DARS1: variants seen among roughly 807,000 people sequenced by gnomAD.
DARS1 encodes aspartyl-tRNA synthetase 1.
In DARS1, 51 loss-of-function variants were observed where a neutral mutation model predicts 68.8. The ratio of observed to expected loss-of-function variants is 0.74; its 90% CI spans 0.59 to 0.94. DARS1 has a LOEUF of 0.94. Among genes scored for constraint, DARS1 ranks in the 40% least tolerant of loss-of-function variants. The probability of loss-of-function intolerance (pLI) is 0.00; values close to 1 mark genes in which losing one functional copy is unlikely to be tolerated. For missense variants in DARS1, 607 were observed against 597.3 expected (o/e 1.02, Z -0.17); for synonymous variants, 203 against 190.4 (o/e 1.07, Z -0.55).
At chr2:135,981,720 G>A (rs920509662) in intron 2 of DARS1, among the ~76,000 whole-genome samples, 16 of 149,230 alleles carry the variant, frequency 1.1e-4, no homozygotes, top group African/African-American at 4.0e-4. Flanking sequence ...CCAGGCTGAA[G>A]TCCAGTGGTG....
chr2:135,914,658 C>T, intron 11 of DARS1, 147 bp from the exon 12 acceptor site: 1 of 651,604 alleles, frequency 1.5e-6, no homozygotes, highest in African/African-American at 1.8e-5. Flanking sequence ...TCTTAAAAGG[C>T]AAGTACTACT....
rs567438236 is a variant in DARS1, at chr2:135,961,194, T to G, written c.320+202A>C. ...CTGTAGAGAGTGCTGCTTCAGCAGT[T>G]CCAAATGAATTTCAAGCCTGTGCTC... On this transcript the variant is annotated intron_variant, in intron 4 of 15. Coordinates refer to ENST00000264161, the MANE Select transcript of DARS1 (RefSeq NM_001349.4). Among the ~76,000 whole-genome samples, 10 of 152,316 alleles carry G rather than the reference T, an allele frequency of 6.6e-5. No individual in the cohort carries two copies. The South Asian group carries it at 2.1e-3, about 32-fold the overall frequency.
intron 12 of DARS1, among the ~76,000 whole-genome samples, chr2:135,913,946 A>G (rs1275887316): frequency 6.6e-6 from 1 of 152,220 alleles, no homozygotes; most frequent in East Asian, 1.9e-4. Flanking sequence ...AACTGCCACC[A>G]GTAGGAGGAG....
chr2:135,982,640 C>G (rs540223888), intron 2 of DARS1, among the ~76,000 whole-genome samples: 1 of 150,040 alleles, frequency 6.7e-6, no homozygotes, highest in East Asian at 1.9e-4. Context: ...CATACACTAA[C>G]AAAAAAGAGC....
At chr2:135,929,594 T>C (rs1441906235) in intron 7 of DARS1, among the ~76,000 whole-genome samples, 1 of 152,218 alleles carries the variant, frequency 6.6e-6, no homozygotes. Context: ...GGGAAAACAC[T>C]GCAAAACCAC....
intron 3 of DARS1, among the ~76,000 whole-genome samples, chr2:135,966,313 C>T (rs1329807577): frequency 2.6e-5 from 4 of 152,026 alleles, no homozygotes; most frequent in Admixed American, 1.3e-4. Context: ...TTACCATACC[C>T]ATAAATTACT....
chr2:135,923,855 T>A lies in DARS1; in HGVS notation c.676+532A>T, dbSNP rs538198652. The stretch of plus-strand genomic sequence containing the variant: ...CAACATGGAGAAACCCTGTATCTAC[T>A]AAACATACAAAATTGGCTCGGCGTG... On this transcript the variant is annotated intron_variant, in intron 8 of 15. Coordinates refer to ENST00000264161, the MANE Select transcript of DARS1 (RefSeq NM_001349.4). 2.4e-4 allele frequency among the ~76,000 whole-genome samples: 37 copies of A among 152,146 alleles called. 1 individual carries two copies. The highest frequency in any genetic ancestry group is 6.5e-4 in the Admixed American group (10 of 15,290).
At chr2:135,947,754 C>T (rs1298579451) in intron 4 of DARS1, among the ~76,000 whole-genome samples, 1 of 151,688 alleles carries the variant, frequency 6.6e-6, no homozygotes, top group Non-Finnish European at 1.5e-5. Context: ...GCATCATCAG[C>T]TCACTATGAA....
intron 10 of DARS1, among the ~76,000 whole-genome samples, chr2:135,917,305 G>C (rs1044413034): frequency 1.3e-5 from 2 of 152,172 alleles, no homozygotes; most frequent in African/African-American, 4.8e-5. Context: ...GACTGAAACT[G>C]GTTGATGAGT....
intron 3 of DARS1, among the ~76,000 whole-genome samples, chr2:135,965,456 G>A (rs555203013): frequency 7.3e-4 from 111 of 152,162 alleles, no homozygotes; most frequent in African/African-American, 2.5e-3. Context: ...AGTAAATACC[G>A]TATAAGGAAA....
intron 7 of DARS1, among the ~76,000 whole-genome samples, chr2:135,930,854 C>A (rs1681326694): frequency 6.6e-6 from 1 of 152,162 alleles, no homozygotes; most frequent in African/African-American, 2.4e-5. Flanking sequence ...TCTGAGAAAA[C>A]CCTCCTAACA....
At chr2:135,948,301 G>A (rs1277603615) in intron 4 of DARS1, among the ~76,000 whole-genome samples, 2 of 152,146 alleles carry the variant, frequency 1.3e-5, no homozygotes, top group Non-Finnish European at 2.9e-5. Flanking sequence ...GGATGCTCAA[G>A]GGGTATCCAC....
In DARS1 at chr2:135,912,551, A is replaced by G. The variant is rs776398671; in HGVS notation, c.1165T>C (p.Tyr389His). 5 of 948,372 alleles carry G rather than the reference A, an allele frequency of 5.3e-6. No homozygotes were observed. The highest frequency in any genetic ancestry group is 3.8e-5 in the Admixed American group (2 of 52,894). 58.7% of individuals were successfully genotyped at this position (948,372 alleles called of 1,614,324 possible). A position where few individuals can be genotyped will look rare whatever the true frequency, so the allele number is the denominator to read the frequency against. Residue 389 changes from tyrosine to histidine, a missense_variant, in exon 13 of 16, where the codon TAT becomes CAT. Tyr to His is a moderately conservative substitution (Grantham distance 83, BLOSUM62 2). Transcript: ENST00000264161. ...LVKEKYDTDF[Y>H]ILDKYPLAVR... ...GCCAATGGATATTTATCAAGAATAT[A>G]AAAATCTGTATCATACTATAAAAAG...
intron 3 of DARS1, among the ~76,000 whole-genome samples, chr2:135,969,616 TAAA>T (rs748237751): frequency 2.2e-5 from 3 of 139,080 alleles, no homozygotes; most frequent in Admixed American, 1.4e-4. Flanking sequence ...AGCACTATAC[TAAA>T]AAAAAAAAAG....
intron 4 of DARS1, among the ~76,000 whole-genome samples, chr2:135,946,388 T>G (rs1326527502): frequency 1.3e-5 from 2 of 152,202 alleles, no homozygotes; most frequent in Non-Finnish European, 2.9e-5. Context: ...ATAGGTGATA[T>G]GTAACCTTCT....
intron 3 of DARS1, among the ~76,000 whole-genome samples, chr2:135,966,561 C>CA (rs1464809821): frequency 2.0e-5 from 3 of 152,174 alleles, no homozygotes; most frequent in African/African-American, 7.2e-5. Context: ...TTTGTTGAGA[C>CA]AGAGTCTTGC....
intron 4 of DARS1, among the ~76,000 whole-genome samples, chr2:135,947,536 T>G (rs1017494219): frequency 3.9e-5 from 6 of 152,054 alleles, no homozygotes; most frequent in East Asian, 1.9e-4. Context: ...CTGTGTGAAG[T>G]GCTTTAGGTA....
rs1187223918 is a variant in DARS1, at chr2:135,943,420, A to T, written c.381T>A (p.Ile127=). Residue 127 remains isoleucine (I), a synonymous_variant, in exon 5 of 16, where the codon ATT becomes ATA. Transcript: ENST00000264161. ...EGVVRKVNQK[I]GSCTQQDVEL... ...CAACGTCTTGCTGTGTACAGCTTCC[A>T]ATTTTCTGATTCACTTTTCTCACAA... is the stretch of plus-strand genomic sequence containing the variant. 3.1e-6 allele frequency: 5 copies of T among 1,613,588 alleles called. No homozygotes were observed. The Admixed American group carries it at 8.3e-5, about 27-fold the overall frequency.
At chr2:135,973,856 C>A (rs902308715) in intron 3 of DARS1, among the ~76,000 whole-genome samples, 3 of 151,606 alleles carry the variant, frequency 2.0e-5, no homozygotes, top group Non-Finnish European at 4.4e-5. Flanking sequence ...ATACTTGTCT[C>A]AAAAAATAAA....
Sources: gnomAD v4.1 joint callset for allele counts (sites outside exome capture counted in the v4.1 genomes callset) on GRCh38, gnomAD v4.1.1 for gene constraint, MANE v1.5 for transcripts, NCBI Gene and HGNC (gene_info 2026-07-23, HGNC 2026-07-21) for gene names.